ERBB4: variants seen among roughly 807,000 people sequenced by gnomAD.
The protein encoded by ERBB4 is erb-b2 receptor tyrosine kinase 4, also known as receptor tyrosine-protein kinase erbB-4.
Under a neutral mutation model 158.0 loss-of-function variants are expected in ERBB4, and 42 were observed. That is an observed-to-expected ratio of 0.27 (90% CI 0.21 to 0.34). The LOEUF (loss-of-function observed/expected upper bound fraction) is 0.34. ERBB4 is among the 10% of genes least tolerant of loss of function. The probability of loss-of-function intolerance (pLI) is 1.00; values close to 1 mark genes in which losing one functional copy is unlikely to be tolerated. For synonymous variants in ERBB4, 583 were observed against 558.7 expected (o/e 1.04, Z -0.61); for missense variants, 1,333 against 1,624.1 (o/e 0.82, Z 3.08).
chr2:211,941,122 T>C (rs185650166), intron 3 of ERBB4, among the ~76,000 whole-genome samples: 1 of 152,198 alleles, frequency 6.6e-6, no homozygotes, highest in Admixed American at 6.5e-5. Flanking sequence ...GTGGACCTGA[T>C]CTAAAAATGG....
rs56892079 is a variant in ERBB4 at position 211,580,866 on chromosome 2, CATATATATATATATAT to C, written c.2302-18794_2302-18779del. Among the ~76,000 whole-genome samples, 8 of 64,168 alleles carry C rather than the reference CATATATATATATATAT, an allele frequency of 1.2e-4. 1 individual carries two copies. The highest frequency in any genetic ancestry group is 4.9e-4 in the South Asian group (1 of 2,054). The allele number at this position is 64,168 out of a possible 152,430, so 42.1% of individuals were successfully genotyped here. On this transcript the variant is annotated intron_variant, in intron 19 of 27. Coordinates refer to ENST00000342788, the MANE Select transcript of ERBB4 (RefSeq NM_005235.3). ...ATATTATATATATAGTATGCATATACATATATATATATATATATATATATATATATATATATATATA... is the reference window on the plus strand; with the variant it reads ...ATATTATATATATAGTATGCATATACATATATATATATATATATATATATA...
intron 3 of ERBB4, among the ~76,000 whole-genome samples, chr2:211,907,444 T>TACAG (rs2079426409): frequency 6.6e-6 from 1 of 151,368 alleles, no homozygotes; most frequent in Admixed American, 6.6e-5. Flanking sequence ...GTTACTGCTG[T>TACAG]ATAGACCCAC....
chr2:211,907,083 C>T (rs2079414699), intron 3 of ERBB4, among the ~76,000 whole-genome samples: 1 of 151,816 alleles, frequency 6.6e-6, no homozygotes, highest in African/African-American at 2.4e-5. Context: ...CTTTGCTCAT[C>T]TACATCAGCG....
chr2:212,071,377 T>C (rs940133715), intron 2 of ERBB4, among the ~76,000 whole-genome samples: 5 of 150,666 alleles, frequency 3.3e-5, no homozygotes, highest in African/African-American at 1.2e-4. Flanking sequence ...TGGGACACTA[T>C]ATGCAAAGAG....
intron 1 of ERBB4, among the ~76,000 whole-genome samples, chr2:212,413,253 T>C (rs943669796): frequency 6.6e-6 from 1 of 150,942 alleles, no homozygotes; most frequent in Non-Finnish European, 1.5e-5. Context: ...CCCAAAGTGC[T>C]GGGATTACAG....
At chr2:211,506,702 CA>C in intron 20 of ERBB4, among the ~76,000 whole-genome samples, 1 of 147,416 alleles carries the variant, frequency 6.8e-6, no homozygotes, top group East Asian at 2.3e-4. Context: ...AAAATTGAAA[CA>C]AATGAAAACA....
Position 212,292,393 on chromosome 2 carries a change from C to A in ERBB4, c.83-167490G>T, listed in dbSNP as rs554527045. Among the ~76,000 whole-genome samples the A allele has an allele frequency of 4.4e-3, 675 of 152,012 alleles. 1 individual carries two copies. The highest frequency in any genetic ancestry group is 7.1e-3 in the Non-Finnish European group (482 of 67,878). ...GGCAGATGTGTAACAAGAATTGAAT[C>A]CTCACTACTAGTTCAATGATCTCTG... On this transcript the variant is annotated intron_variant, in intron 1 of 27. Coordinates refer to ENST00000342788, the MANE Select transcript of ERBB4 (RefSeq NM_005235.3).
intron 4 of ERBB4, among the ~76,000 whole-genome samples, chr2:211,761,298 A>T (rs2106240768): frequency 6.6e-6 from 1 of 152,090 alleles, no homozygotes; most frequent in Non-Finnish European, 1.5e-5. Context: ...ACATACTATG[A>T]CTGAGAACTC....
At chr2:211,525,903 G>C (rs912086691) in intron 20 of ERBB4, among the ~76,000 whole-genome samples, 1 of 152,088 alleles carries the variant, frequency 6.6e-6, no homozygotes, top group African/African-American at 2.4e-5. Context: ...ATGTCTTATG[G>C]TTTGAAGGCC....
intron 1 of ERBB4, among the ~76,000 whole-genome samples, chr2:212,151,820 C>T (rs1202031509): frequency 2.6e-5 from 4 of 152,064 alleles, no homozygotes; most frequent in East Asian, 1.9e-4. Context: ...ACCTGGGAGA[C>T]GGAGGTTGCA....
chr2:212,463,662 C>T (rs1036193245), intron 1 of ERBB4, among the ~76,000 whole-genome samples: 2 of 152,010 alleles, frequency 1.3e-5, no homozygotes, highest in African/African-American at 4.8e-5. Flanking sequence ...TGTTCTTCTA[C>T]GTGGTAAAAT....
intron 1 of ERBB4, among the ~76,000 whole-genome samples, chr2:212,519,274 A>G (rs2106308128): frequency 6.6e-6 from 1 of 152,158 alleles, no homozygotes; most frequent in East Asian, 1.9e-4. Context: ...TCTTAATACC[A>G]TTAGAAAAGT....
At chr2:211,433,036 A>G (rs144049176) in intron 20 of ERBB4, among the ~76,000 whole-genome samples, 133 of 152,308 alleles carry the variant, frequency 8.7e-4, no homozygotes, top group Middle Eastern at 3.4e-3. Context: ...ATGTCTCCCA[A>G]TTGGACAGAG....
intron 2 of ERBB4, among the ~76,000 whole-genome samples, chr2:212,068,638 T>C (rs2078012994): frequency 1.3e-5 from 2 of 152,070 alleles, no homozygotes; most frequent in Non-Finnish European, 2.9e-5. Context: ...TCTCTGTACC[T>C]GCCTTACAAG....
intron 3 of ERBB4, among the ~76,000 whole-genome samples, chr2:211,905,377 C>A (rs2079351486): frequency 6.6e-6 from 1 of 151,858 alleles, no homozygotes; most frequent in African/African-American, 2.4e-5. Context: ...TGCAGGATAA[C>A]CTTTCTATTT....
At chr2:212,277,978 A>T (rs1257203114) in intron 1 of ERBB4, among the ~76,000 whole-genome samples, 1 of 151,682 alleles carries the variant, frequency 6.6e-6, no homozygotes, top group African/African-American at 2.4e-5. Flanking sequence ...GCCTTTCTTC[A>T]CTCCGGACTT....
intron 1 of ERBB4, among the ~76,000 whole-genome samples, chr2:212,330,028 G>A (rs753592125): frequency 3.3e-5 from 5 of 152,008 alleles, no homozygotes; most frequent in African/African-American, 7.2e-5. Context: ...TCCAAAAAGC[G>A]AGTTAGATGA....
At chr2:211,803,054 G>A (rs1156991250) in intron 3 of ERBB4, among the ~76,000 whole-genome samples, 1 of 152,194 alleles carries the variant, frequency 6.6e-6, no homozygotes, top group Non-Finnish European at 1.5e-5. Flanking sequence ...ACATCCTAAA[G>A]TGTAGAAGTT....
intron 1 of ERBB4, among the ~76,000 whole-genome samples, chr2:212,140,385 G>A (rs2080415334): frequency 8.3e-6 from 1 of 119,946 alleles, no homozygotes; most frequent in African/African-American, 4.8e-5. Flanking sequence ...ATATGTTTAT[G>A]TATCTATAGT....
Sources: gnomAD v4.1 joint callset for allele counts (sites outside exome capture counted in the v4.1 genomes callset) on GRCh38, gnomAD v4.1.1 for gene constraint, MANE v1.5 for transcripts, NCBI Gene and HGNC (gene_info 2026-07-23, HGNC 2026-07-21) for gene names.